The following OSBP2 variants were observed in gnomAD, a reference collection of about 807,000 sequenced individuals.
OSBP2 encodes oxysterol binding protein 2.
Under a neutral mutation model 96.0 loss-of-function variants are expected in OSBP2, and 66 were observed. That is an observed-to-expected ratio of 0.69 (90% CI 0.56 to 0.84). The LOEUF (loss-of-function observed/expected upper bound fraction) is 0.84. Ranked by LOEUF, OSBP2 falls within the 40% of genes least tolerant of loss-of-function variation. The pLI is 0.00. For synonymous variants in OSBP2, 525 were observed against 520.9 expected (o/e 1.01, Z -0.11); for missense variants, 1,038 against 1,222.7 (o/e 0.85, Z 2.25).
chr22:30,799,005 C>T (rs1277363065), intron 2 of OSBP2, among the ~76,000 whole-genome samples: 2 of 144,122 alleles, frequency 1.4e-5, no homozygotes, highest in Non-Finnish European at 3.1e-5. Context: ...CAGAGTGAGA[C>T]TCTGTCTCAA....
At position 30,715,368 on chromosome 22, in the gene OSBP2, C is replaced by CTT. The variant is rs136384; in HGVS notation, c.644+19827_644+19828dup. On this transcript the variant is annotated intron_variant, in intron 1 of 13. Transcript: ENST00000332585. ...ATAAGTGATGAGCATCTCTCTCTCT[C>CTT]TTTTTTTTTTTTTGGCCAGGGAGGA... 5.7e-3 allele frequency among the ~76,000 whole-genome samples: 800 copies of CTT among 140,666 alleles called. 6 individuals are homozygous for CTT. Among genetic ancestry groups the CTT allele is most frequent in the African/African-American group, 0.016 (622 of 38,020 alleles). The allele number at this position is 140,666 out of a possible 152,430, so 92.3% of individuals were successfully genotyped here. A position where few individuals can be genotyped will look rare whatever the true frequency, so the allele number is the denominator to read the frequency against.
rs377540354 is a variant in OSBP2, at chr22:30,779,944, C to T, written c.853+38575C>T. The stretch of plus-strand genomic sequence containing the variant: ...TCTCTCCCCACAGCTTGTCTTCCCT[C>T]CTCAGGCTGTCTGTTGCCCCTTGGT... On this transcript the variant is annotated intron_variant, in intron 2 of 13. Coordinates refer to ENST00000332585, the MANE Select transcript of OSBP2 (RefSeq NM_030758.4). Among the ~76,000 whole-genome samples, 63 of 152,334 alleles carry T rather than the reference C, an allele frequency of 4.1e-4. No homozygotes were observed. The South Asian group carries it at 0.013, about 31-fold the overall frequency.
At chr22:30,817,172 A>G (rs149627100) in intron 2 of OSBP2, among the ~76,000 whole-genome samples, 1 of 152,376 alleles carries the variant, frequency 6.6e-6, no homozygotes, top group African/African-American at 2.4e-5. Context: ...AGAATCATTT[A>G]TTAATGAGGA....
chr22:30,886,853 G>A lies in OSBP2; in HGVS notation c.1108-573G>A, dbSNP rs5753372. On this transcript the variant is annotated intron_variant, in intron 3 of 13. Transcript: ENST00000332585. ...AGATGTGTTATAGGAAAGGGGTCCT[G>A]ATCCAGACCCCACGAGAGGGTTCTT... Among the ~76,000 whole-genome samples, 1,209 of 152,240 alleles carry A rather than the reference G, an allele frequency of 7.9e-3. 99 individuals are homozygous for A. In the East Asian group the frequency reaches 0.19, roughly 25 times the overall value.
At chr22:30,874,385 C>G (rs1418093281) in intron 3 of OSBP2, among the ~76,000 whole-genome samples, 1 of 151,798 alleles carries the variant, frequency 6.6e-6, no homozygotes, top group Admixed American at 6.6e-5. Flanking sequence ...GCACTCCAGC[C>G]TGGCAACAGA....
At chr22:30,697,809 C>T (rs976014653) in intron 1 of OSBP2, among the ~76,000 whole-genome samples, 3 of 152,140 alleles carry the variant, frequency 2.0e-5, no homozygotes, top group Non-Finnish European at 4.4e-5. Context: ...TGAACGATTC[C>T]TGACATTTAT....
chr22:30,725,835 G>A (rs1390781022), intron 1 of OSBP2, among the ~76,000 whole-genome samples: 1 of 151,430 alleles, frequency 6.6e-6, no homozygotes, highest in Non-Finnish European at 1.5e-5. Context: ...TGTCACCCAG[G>A]CTGAGTGCAG....
chr22:30,762,538 T>C (rs11912801), intron 2 of OSBP2, among the ~76,000 whole-genome samples: 9,102 of 151,412 alleles, frequency 0.06, 890 homozygotes, highest in African/African-American at 0.21. Context: ...CAAGACTCCG[T>C]CTCCAAAAAA....
intron 2 of OSBP2, among the ~76,000 whole-genome samples, chr22:30,794,403 G>A (rs567600822): frequency 1.3e-4 from 19 of 151,582 alleles, no homozygotes; most frequent in Non-Finnish European, 2.1e-4. Flanking sequence ...TAGCTGAGAT[G>A]ACAGGCGCCC....
intron 9 of OSBP2, 94 bp from the exon 10 acceptor site, chr22:30,893,369 C>G: frequency 6.5e-7 from 1 of 1,538,670 alleles, no homozygotes; most frequent in East Asian, 2.2e-5. Context: ...CTCTTCAACC[C>G]CCCAGCCTAG....
intron 2 of OSBP2, among the ~76,000 whole-genome samples, chr22:30,796,836 A>T (rs1215548880): frequency 1.3e-5 from 2 of 152,220 alleles, no homozygotes. Context: ...AGCAAAATAC[A>T]CATATCATAA....
At chr22:30,902,233 T>C (rs1569176402) in intron 12 of OSBP2, 5 of 1,512,920 alleles carry the variant, frequency 3.3e-6, no homozygotes, top group Non-Finnish European at 4.6e-6. Context: ...ACACAGCATA[T>C]GTAGGGAATC....
At chr22:30,817,674 G>T (rs2091098039) in intron 2 of OSBP2, among the ~76,000 whole-genome samples, 1 of 152,222 alleles carries the variant, frequency 6.6e-6, no homozygotes, top group Non-Finnish European at 1.5e-5. Flanking sequence ...TTGCTTTCAT[G>T]AAGCAATTTG....
At chr22:30,749,071 G>A (rs563965648) in intron 2 of OSBP2, among the ~76,000 whole-genome samples, 59 of 152,332 alleles carry the variant, frequency 3.9e-4, no homozygotes, top group South Asian at 1.4e-3. Flanking sequence ...AGCCGAGATT[G>A]TGTCACTGCA....
intron 2 of OSBP2, among the ~76,000 whole-genome samples, chr22:30,811,958 G>A (rs765064457): frequency 3.2e-4 from 49 of 150,900 alleles, no homozygotes; most frequent in Non-Finnish European, 5.6e-4. Context: ...CTGGCTCAAG[G>A]CATCCTCCTG....
intron 1 of OSBP2, among the ~76,000 whole-genome samples, chr22:30,716,322 A>G (rs2089454876): frequency 6.6e-6 from 1 of 151,942 alleles, no homozygotes. Context: ...GACTACAGGC[A>G]TAAGCCACCA....
At chr22:30,822,204 C>CT (rs1380538186) in intron 2 of OSBP2, among the ~76,000 whole-genome samples, 2 of 152,200 alleles carry the variant, frequency 1.3e-5, no homozygotes, top group Non-Finnish European at 2.9e-5. Flanking sequence ...TGCCCCTTAG[C>CT]TCTCAAGGGC....
intron 2 of OSBP2, among the ~76,000 whole-genome samples, chr22:30,814,660 C>T (rs1040597428): frequency 2.6e-5 from 4 of 152,098 alleles, no homozygotes; most frequent in African/African-American, 9.7e-5. Context: ...AACTCCTGAC[C>T]TCAGGTGATC....
chr22:30,759,273 G>A (rs1406862783), intron 2 of OSBP2, among the ~76,000 whole-genome samples: 2 of 152,154 alleles, frequency 1.3e-5, no homozygotes, highest in Non-Finnish European at 2.9e-5. Context: ...GCTTGAGCCT[G>A]GGAGGCAGAG....
Sources: gnomAD v4.1 joint callset for allele counts (sites outside exome capture counted in the v4.1 genomes callset) on GRCh38, gnomAD v4.1.1 for gene constraint, MANE v1.5 for transcripts, NCBI Gene and HGNC (gene_info 2026-07-23, HGNC 2026-07-21) for gene names.